DSCAM: variants seen among roughly 807,000 people sequenced by gnomAD.
DSCAM encodes cell adhesion molecule DSCAM.
A neutral mutation model predicts 217.7 loss-of-function variants in DSCAM; 47 were observed. The ratio of observed to expected loss-of-function variants is 0.22; its 90% confidence interval spans 0.17 to 0.28. DSCAM has a LOEUF of 0.28. Ranked by LOEUF, DSCAM falls within the 10% of genes least tolerant of loss-of-function variation. The pLI is 1.00. For missense variants in DSCAM, 2,080 were observed against 2,618.3 expected (o/e 0.79, Z 4.49); for synonymous variants, 1,056 against 1,015.3 (o/e 1.04, Z -0.76).
chr21:40,130,066 TC>T (rs2090139417), intron 19 of DSCAM, among the ~76,000 whole-genome samples: 1 of 152,220 alleles, frequency 6.6e-6, no homozygotes, highest in Non-Finnish European at 1.5e-5. Flanking sequence ...AGTGATGTGT[TC>T]AGTAAATATT....
intron 1 of DSCAM, among the ~76,000 whole-genome samples, chr21:40,751,817 TAAAAGACAAA>T (rs2091232239): frequency 6.6e-6 from 1 of 152,226 alleles, no homozygotes; most frequent in African/African-American, 2.4e-5. Flanking sequence ...GTTACATTTT[TAAAAGACAAA>T]AAAAGACAAA....
At position 40,339,521 on chromosome 21, in the gene DSCAM, A is replaced by T. The variant is rs545794598; in HGVS notation, c.1211-106T>A. 1.8e-4 allele frequency: 213 copies of T among 1,183,040 alleles called. 3 individuals carry two copies. The Middle Eastern group carries it at 4.8e-3, about 26-fold the overall frequency. The allele number at this position is 1,183,040 out of a possible 1,614,324, so 73.3% of individuals were successfully genotyped here. ...GGGGTAAATGTCGTAGTTGTTAAACATTACCAAAAAGGTCTGGTTTTCCTG... is the reference window on the plus strand; with the variant it reads ...GGGGTAAATGTCGTAGTTGTTAAACTTTACCAAAAAGGTCTGGTTTTCCTG... On this transcript the variant is annotated intron_variant, in intron 6 of 32. Transcript: ENST00000400454.
intron 3 of DSCAM, among the ~76,000 whole-genome samples, chr21:40,436,914 T>C (rs1188259921): frequency 6.6e-6 from 1 of 152,170 alleles, no homozygotes; most frequent in African/African-American, 2.4e-5. Context: ...AATAAGTTAT[T>C]GTAAATTTTG....
chr21:40,745,102 CCAAT>C (rs1237653638), intron 1 of DSCAM, among the ~76,000 whole-genome samples: 5 of 151,746 alleles, frequency 3.3e-5, no homozygotes, highest in African/African-American at 7.3e-5. Flanking sequence ...ATAAAATTAC[CCAAT>C]CAGAGGAGAA....
chr21:40,818,173 G>C (rs2091898395), intron 1 of DSCAM, among the ~76,000 whole-genome samples: 1 of 150,156 alleles, frequency 6.7e-6, no homozygotes, highest in African/African-American at 2.5e-5. Flanking sequence ...ATGTGGTAAA[G>C]GGACATCCGC....
At chr21:40,326,805 C>A (rs1018027947) in intron 8 of DSCAM, among the ~76,000 whole-genome samples, 4 of 151,880 alleles carry the variant, frequency 2.6e-5, no homozygotes, top group Non-Finnish European at 5.9e-5. Flanking sequence ...GGAGGCTGGT[C>A]TAGATGAACT....
intron 32 of DSCAM, among the ~76,000 whole-genome samples, chr21:40,015,417 C>CTT (rs5843993): frequency 0.22 from 31,727 of 145,298 alleles, 3,793 homozygotes; most frequent in Middle Eastern, 0.31. Flanking sequence ...TCTCTTGACT[C>CTT]TTTTTTTTTT....
chr21:40,410,861 G>T (rs940220750), intron 3 of DSCAM, among the ~76,000 whole-genome samples: 1 of 152,002 alleles, frequency 6.6e-6, no homozygotes, highest in African/African-American at 2.4e-5. Flanking sequence ...ACTGCTCACA[G>T]GAGCCTTTCT....
At chr21:40,473,116 C>G (rs2075903253) in intron 3 of DSCAM, among the ~76,000 whole-genome samples, 1 of 152,208 alleles carries the variant, frequency 6.6e-6, no homozygotes, top group Admixed American at 6.5e-5. Context: ...TCCTAAAAAG[C>G]AGCCATGGCA....
intron 4 of DSCAM, among the ~76,000 whole-genome samples, chr21:40,356,227 C>A (rs1264600760): frequency 6.6e-6 from 1 of 152,056 alleles, no homozygotes; most frequent in African/African-American, 2.4e-5. Flanking sequence ...TAGAGGTTTA[C>A]TATGCAGCAC....
chr21:40,619,711 G>A (rs184548817), intron 3 of DSCAM, among the ~76,000 whole-genome samples: 10 of 152,080 alleles, frequency 6.6e-5, no homozygotes, highest in East Asian at 3.9e-4. Flanking sequence ...TAAATACGCC[G>A]ATCGATACTT....
At chr21:40,485,318 C>T (rs2076017279) in intron 3 of DSCAM, among the ~76,000 whole-genome samples, 1 of 149,116 alleles carries the variant, frequency 6.7e-6, no homozygotes, top group African/African-American at 2.5e-5. Context: ...TCTCGGCTCA[C>T]TGCAAGCTCC....
In DSCAM at chr21:40,325,905, T is replaced by C. The variant is rs544025263; in HGVS notation, c.1783+12196A>G. Reference sequence around the variant, plus strand: ...CCTAACAATTCTACTACTGGCCCTCTAGTAATATTAATACTACACATGGAC... The same window carrying C: ...CCTAACAATTCTACTACTGGCCCTCCAGTAATATTAATACTACACATGGAC... On this transcript the variant is annotated intron_variant, in intron 8 of 32. Transcript: ENST00000400454. Among the ~76,000 whole-genome samples, 57 of 152,236 alleles carry C rather than the reference T, an allele frequency of 3.7e-4. 1 individual carries two copies. The South Asian group carries it at 0.012, about 31-fold the overall frequency.
chr21:40,329,764 T>C (rs1044748201), intron 8 of DSCAM, among the ~76,000 whole-genome samples: 8 of 151,960 alleles, frequency 5.3e-5, no homozygotes, highest in Admixed American at 1.3e-4. Context: ...CTGGAGAACA[T>C]TATATTAAGT....
intron 11 of DSCAM, among the ~76,000 whole-genome samples, chr21:40,238,125 G>T (rs2073103101): frequency 6.6e-6 from 1 of 152,148 alleles, no homozygotes; most frequent in African/African-American, 2.4e-5. Context: ...CCCTGGGGTA[G>T]AATCTGAGGA....
intron 32 of DSCAM, among the ~76,000 whole-genome samples, chr21:40,027,387 G>A (rs1012404013): frequency 2.6e-5 from 4 of 152,104 alleles, no homozygotes; most frequent in African/African-American, 9.7e-5. Context: ...ATATCTTTGT[G>A]GCATTCTCTG....
intron 3 of DSCAM, chr21:40,513,226 C>T (rs2076274320): frequency 6.6e-6 from 1 of 152,180 alleles, no homozygotes; most frequent in Admixed American, 6.5e-5. Context: ...CTACCCCGTA[C>T]ATACTTCAGC....
At chr21:40,283,382 A>G (rs1324165949) in intron 10 of DSCAM, among the ~76,000 whole-genome samples, 3 of 152,222 alleles carry the variant, frequency 2.0e-5, no homozygotes, top group Non-Finnish European at 2.9e-5. Flanking sequence ...ACATGAAAAT[A>G]AAATGTTAAA....
At chr21:40,080,811 G>A (rs972022262) in intron 24 of DSCAM, among the ~76,000 whole-genome samples, 1 of 152,180 alleles carries the variant, frequency 6.6e-6, no homozygotes, top group African/African-American at 2.4e-5. Context: ...ACAGTTCACA[G>A]ACACTAGGAG....
Sources: gnomAD v4.1 joint callset for allele counts (sites outside exome capture counted in the v4.1 genomes callset) on GRCh38, gnomAD v4.1.1 for gene constraint, MANE v1.5 for transcripts, NCBI Gene and HGNC (gene_info 2026-07-23, HGNC 2026-07-21) for gene names.